The following ASB5 variants were observed in gnomAD, a reference collection of about 807,000 sequenced individuals.
The protein encoded by ASB5 is ankyrin repeat and SOCS box containing 5, also known as ankyrin repeat and SOCS box protein 5.
ASB5 carries 45 observed loss-of-function variants against 42.1 expected under a neutral mutation model. That is an observed-to-expected ratio of 1.07 (90% CI 0.84 to 1.37). The LOEUF (loss-of-function observed/expected upper bound fraction) is 1.37. ASB5 is among the 40% of genes most tolerant of loss of function. The pLI, the probability that ASB5 is intolerant of heterozygous loss-of-function variation, is 0.00. For missense variants in ASB5, 402 were observed against 399.8 expected (o/e 1.01, Z -0.05); for synonymous variants, 147 against 150.6 (o/e 0.98, Z 0.18).
At chr4:176,252,394 G>A (rs542189318) in intron 1 of ASB5, among the ~76,000 whole-genome samples, 123 of 152,302 alleles carry the variant, frequency 8.1e-4, no homozygotes, top group Non-Finnish European at 1.4e-3. Flanking sequence ...ATTGAAAAGG[G>A]TAACAAATTC....
At chr4:176,260,072 G>C (rs1754228847) in intron 1 of ASB5, among the ~76,000 whole-genome samples, 1 of 152,208 alleles carries the variant, frequency 6.6e-6, no homozygotes, top group African/African-American at 2.4e-5. Flanking sequence ...AAAGATATGT[G>C]TAACAAATAA....
upstream of ASB5, among the ~76,000 whole-genome samples, chr4:176,272,343 C>T: frequency 6.6e-6 from 1 of 152,100 alleles, no homozygotes; most frequent in East Asian, 1.9e-4. Flanking sequence ...ACCAACCTAA[C>T]AAAAGGATGA....
intron 3 of ASB5, among the ~76,000 whole-genome samples, 189 bp from the exon 4 acceptor site, chr4:176,221,789 A>T (rs1373618096): frequency 6.6e-6 from 1 of 152,208 alleles, no homozygotes; most frequent in Non-Finnish European, 1.5e-5. Context: ...GAAATATGAT[A>T]TGGCAGATAA....
At chr4:176,250,995 G>A (rs944321316) in intron 1 of ASB5, among the ~76,000 whole-genome samples, 12 of 152,024 alleles carry the variant, frequency 7.9e-5, no homozygotes, top group Non-Finnish European at 1.2e-4. Flanking sequence ...TCAAAGGGTC[G>A]CAAATCCATA....
intron 1 of ASB5, among the ~76,000 whole-genome samples, chr4:176,241,118 G>A (rs761289396): frequency 4.6e-5 from 7 of 152,016 alleles, no homozygotes; most frequent in East Asian, 3.9e-4. Flanking sequence ...ATCTCCAAAC[G>A]ATGAGTATTC....
At chr4:176,241,005 A>C (rs959004353) in intron 1 of ASB5, among the ~76,000 whole-genome samples, 10 of 152,202 alleles carry the variant, frequency 6.6e-5, no homozygotes, top group Admixed American at 2.0e-4. Flanking sequence ...ACTTACGGTT[A>C]GTCTTGTTTC....
chr4:176,253,551 G>C (rs1209851935), intron 1 of ASB5, among the ~76,000 whole-genome samples: 1 of 152,040 alleles, frequency 6.6e-6, no homozygotes, highest in East Asian at 1.9e-4. Context: ...AGAGCAATCA[G>C]GCAAGAGAAA....
At position 176,214,740 on chromosome 4, in the gene ASB5, G is replaced by A. The variant is rs1323881071; in HGVS notation, c.*860C>T. 2 of 151,928 alleles carry A rather than the reference G, an allele frequency of 1.3e-5. No individual in the cohort carries two copies. Among genetic ancestry groups the A allele is most frequent in the African/African-American group, 2.4e-5 (1 of 41,376 alleles). 9.4% of individuals were successfully genotyped at this position (151,928 alleles called of 1,614,324 possible). On this transcript the variant is annotated 3_prime_UTR_variant, in exon 7 of 7. Coordinates refer to ENST00000296525, the MANE Select transcript of ASB5 (RefSeq NM_080874.4). ...GATGATCCCCGGAATATGATCCAGG[G>A]CCTGTTTGTTAATTAGATATATAGT...
At chr4:176,277,102 G>A (rs1211419273) in intron 1 of ASB5, 1 of 152,214 alleles carries the variant, frequency 6.6e-6, no homozygotes, top group Admixed American at 6.5e-5. Context: ...AAGGGTGTAT[G>A]AGAATATGCC....
At chr4:176,247,719 AT>A (rs1753939593) in intron 1 of ASB5, among the ~76,000 whole-genome samples, 2 of 152,246 alleles carry the variant, frequency 1.3e-5, no homozygotes, top group Non-Finnish European at 2.9e-5. Context: ...AAATACTTCC[AT>A]TACCTTGAAG....
intron 1 of ASB5, among the ~76,000 whole-genome samples, chr4:176,226,331 T>G (rs1753377780): frequency 6.6e-6 from 1 of 152,286 alleles, no homozygotes; most frequent in South Asian, 2.1e-4. Flanking sequence ...TTCTCTGACC[T>G]TGAGACTCTA....
At chr4:176,254,824 G>A (rs904074864) in intron 1 of ASB5, among the ~76,000 whole-genome samples, 5 of 152,118 alleles carry the variant, frequency 3.3e-5, no homozygotes, top group African/African-American at 1.2e-4. Flanking sequence ...AATCACTGGA[G>A]AAATGCAAAT....
intron 1 of ASB5, among the ~76,000 whole-genome samples, chr4:176,251,092 C>T (rs1227031411): frequency 1.3e-5 from 2 of 151,944 alleles, no homozygotes. Flanking sequence ...TGGACAAGGA[C>T]TTCATGTAAG....
intron 1 of ASB5, among the ~76,000 whole-genome samples, chr4:176,267,789 C>T (rs1754386697): frequency 6.6e-6 from 1 of 152,122 alleles, no homozygotes; most frequent in Non-Finnish European, 1.5e-5. Context: ...TTGCAAATTG[C>T]AGTCTTCCTC....
In ASB5 at chr4:176,214,018, T is replaced by A. The variant is rs1490620645; in HGVS notation, c.*1582A>T. On this transcript the variant is annotated 3_prime_UTR_variant, in exon 7 of 7. Transcript: ENST00000296525. ...TTTAATGCACGTTATCCATTACAAATGTGTGAGATATTCTATAAAACACAT... is the reference window on the plus strand; with the variant it reads ...TTTAATGCACGTTATCCATTACAAAAGTGTGAGATATTCTATAAAACACAT... 3 of 152,196 alleles carry A rather than the reference T, an allele frequency of 2.0e-5. No homozygotes were observed. The highest frequency in any genetic ancestry group is 7.2e-5 in the African/African-American group (3 of 41,466). 9.4% of individuals were successfully genotyped at this position (152,196 alleles called of 1,614,324 possible).
chr4:176,228,752 C>T (rs1180345393), intron 1 of ASB5, among the ~76,000 whole-genome samples: 1 of 152,136 alleles, frequency 6.6e-6, no homozygotes, highest in Non-Finnish European at 1.5e-5. Context: ...GAAATTGGAA[C>T]ATTGTGTTAT....
intron 1 of ASB5, among the ~76,000 whole-genome samples, chr4:176,255,206 G>GA (rs1182219797): frequency 6.6e-6 from 1 of 152,088 alleles, no homozygotes; most frequent in Non-Finnish European, 1.5e-5. Flanking sequence ...TTATTAAAAA[G>GA]AAAAAACAAC....
intron 1 of ASB5, among the ~76,000 whole-genome samples, chr4:176,247,780 G>T (rs1391710671): frequency 6.6e-6 from 1 of 152,166 alleles, no homozygotes; most frequent in Non-Finnish European, 1.5e-5. Flanking sequence ...AATCAAAGTG[G>T]AAAGGATTTG....
At chr4:176,231,975 G>A (rs1753558620) in intron 1 of ASB5, among the ~76,000 whole-genome samples, 2 of 152,120 alleles carry the variant, frequency 1.3e-5, no homozygotes, top group Admixed American at 1.3e-4. Flanking sequence ...AGCCACACCT[G>A]CTCTTCCTCA....
Sources: allele counts gnomAD v4.1 joint callset (sites outside exome capture counted in the v4.1 genomes callset), GRCh38; gene constraint gnomAD v4.1.1; transcripts MANE v1.5; gene names NCBI Gene and HGNC (gene_info 2026-07-23, HGNC 2026-07-21).